Variants in GATAD2A observed in about 807,000 individuals in gnomAD.
GATAD2A encodes the protein GATA zinc finger domain containing 2A.
In GATAD2A, 12 loss-of-function variants were observed where a neutral mutation model predicts 68.5. The observed-to-expected ratio is 0.18, with a 90% CI of 0.11 to 0.28. The LOEUF (loss-of-function observed/expected upper bound fraction) is 0.28. Ranked by LOEUF, GATAD2A falls within the 10% of genes least tolerant of loss-of-function variation. GATAD2A has a pLI of 1.00. For missense variants in GATAD2A, 755 were observed against 868.5 expected, an observed-to-expected ratio of 0.87 and a Z score of 1.64; for synonymous variants, 410 against 375.3, an observed-to-expected ratio of 1.09 and a Z score of -1.07.
rs1313256531 is a variant in GATAD2A at position 19,451,649 on chromosome 19, G to A, written c.-6-13691G>A. On this transcript the variant is annotated intron_variant, in intron 1 of 11. Transcript: ENST00000683918. ...GGGTTGAAGTGAAGTAGGCGGGTGG[G>A]AATGCGTGTGAGACTCAGCAGGGCT... Among the ~76,000 whole-genome samples, 9 of 152,268 alleles carry A rather than the reference G, an allele frequency of 5.9e-5. No homozygotes were observed. In the East Asian group the frequency reaches 1.7e-3, roughly 29 times the overall value.
chr19:19,392,235 G>A (rs867092952), intron 1 of GATAD2A, among the ~76,000 whole-genome samples: 8 of 150,944 alleles, frequency 5.3e-5, no homozygotes, highest in Middle Eastern at 3.4e-3. Flanking sequence ...ACAGGCATGC[G>A]CCACCATGCC....
intron 11 of GATAD2A, among the ~76,000 whole-genome samples, chr19:19,503,942 C>T (rs1250807013): frequency 6.6e-6 from 1 of 152,174 alleles, no homozygotes; most frequent in Admixed American, 6.5e-5. Context: ...CATGCTGGCT[C>T]TCACCTGTAA....
rs748958687 is a variant in GATAD2A at position 19,496,173 on chromosome 19, G to A, written c.878G>A (p.Arg293His). ...AGGATCATCCAGCAGGGCCTCATCC[G>A]CGTCGCCAATGTTCCCAACACCAGC... ...GQRIIQQGLI[R>H]VANVPNTSLL... Residue 293 changes from arginine (R) to histidine (H), a missense_variant, in exon 7 of 12, where the codon CGC becomes CAC. Physicochemically the swap from Arg to His is conservative, Grantham distance 29. Coordinates refer to ENST00000683918, the MANE Select transcript of GATAD2A (RefSeq NM_001384528.1). 7.4e-6 allele frequency: 12 copies of A among 1,613,606 alleles called. No individual in the cohort carries two copies. Among genetic ancestry groups the A allele is most frequent in the Admixed American group, 6.7e-5 (4 of 60,004 alleles).
intron 1 of GATAD2A, among the ~76,000 whole-genome samples, chr19:19,409,540 T>C (rs2050675284): frequency 6.6e-6 from 1 of 152,156 alleles, no homozygotes; most frequent in African/African-American, 2.4e-5. Context: ...CTGAGCTGCT[T>C]CGGGAGGTAG....
chr19:19,477,539 C>A (rs2058756233), intron 2 of GATAD2A, among the ~76,000 whole-genome samples: 1 of 152,030 alleles, frequency 6.6e-6, no homozygotes, highest in Non-Finnish European at 1.5e-5. Flanking sequence ...GGGACTGCAG[C>A]CCAGAAATCA....
At chr19:19,429,251 GC>G in intron 1 of GATAD2A, 1 of 984,844 alleles carries the variant, frequency 1.0e-6, no homozygotes, top group South Asian at 4.7e-5. Flanking sequence ...ATGGTGAGGG[GC>G]TGGGGGGGAG....
chr19:19,449,594 C>CA (rs10532588), intron 1 of GATAD2A, among the ~76,000 whole-genome samples: 3,892 of 141,020 alleles, frequency 0.028, 129 homozygotes, highest in African/African-American at 0.078. Flanking sequence ...TTAAATGTAT[C>CA]AAAAAAAAAA....
At chr19:19,495,636 A>T in intron 5 of GATAD2A, 118 bp from the exon 6 acceptor site, 3 of 543,414 alleles carry the variant, frequency 5.5e-6, no homozygotes, top group Non-Finnish European at 8.0e-6. Context: ...CTGCTACTTA[A>T]AAAAAAAAAA....
chr19:19,430,244 TCCAG>T (rs911480872), intron 1 of GATAD2A, among the ~76,000 whole-genome samples: 1 of 152,186 alleles, frequency 6.6e-6, no homozygotes, highest in African/African-American at 2.4e-5. Context: ...CTAATTCTTC[TCCAG>T]CCAGCCAGCC....
chr19:19,451,190 C>T (rs921844019), intron 1 of GATAD2A, among the ~76,000 whole-genome samples: 4 of 150,878 alleles, frequency 2.7e-5, no homozygotes, highest in Non-Finnish European at 4.4e-5. Context: ...CTGGCCAACA[C>T]GGTGAAACCC....
intron 1 of GATAD2A, among the ~76,000 whole-genome samples, chr19:19,454,579 CAG>C (rs2056739553): frequency 6.7e-6 from 1 of 150,090 alleles, no homozygotes; most frequent in African/African-American, 2.5e-5. Flanking sequence ...GCCTGGGTGA[CAG>C]AGTGAGACCC....
intron 2 of GATAD2A, among the ~76,000 whole-genome samples, chr19:19,468,967 T>C (rs1276897383): frequency 6.6e-6 from 1 of 152,198 alleles, no homozygotes; most frequent in Non-Finnish European, 1.5e-5. Context: ...ACAGATAAAA[T>C]ATATGTCATA....
rs189452885 is a variant in GATAD2A, at chr19:19,485,324, G to A, written c.270-6982G>A. On this transcript the variant is annotated intron_variant, in intron 2 of 11. Transcript: ENST00000683918. ...GGTATTGACGTTTTTCAGTCTGTCA[G>A]TTCTGCTGGTTGGCTGGTCCCGCCC... Among the ~76,000 whole-genome samples, 533 of 152,330 alleles carry A rather than the reference G, an allele frequency of 3.5e-3. 14 individuals carry two copies. The highest frequency in any genetic ancestry group is 8.2e-4 in the Non-Finnish European group (56 of 68,022).
intron 8 of GATAD2A, among the ~76,000 whole-genome samples, chr19:19,500,913 G>C (rs1392781785): frequency 1.3e-5 from 2 of 152,272 alleles, no homozygotes; most frequent in Non-Finnish European, 2.9e-5. Context: ...GTCATGTCCA[G>C]CGATGGGTGG....
intron 8 of GATAD2A, 125 bp downstream of exon 8, chr19:19,498,847 G>A: frequency 1.3e-6 from 1 of 769,680 alleles, no homozygotes; most frequent in South Asian, 1.7e-5. Flanking sequence ...GTCCTGGGTG[G>A]GCTTGGCAGG....
chr19:19,442,739 A>G (rs1284969465), intron 1 of GATAD2A, among the ~76,000 whole-genome samples: 1 of 150,834 alleles, frequency 6.6e-6, no homozygotes, highest in East Asian at 1.9e-4. Context: ...GTTGGAGTCT[A>G]GCCTGAGCAA....
In GATAD2A at chr19:19,508,078, C is replaced by G. The variant is rs1484751710; in HGVS notation, c.*2604C>G. ...CCGAGAGCCCTACCAGGATCAGGTT[C>G]CTGCAAGCCGTCAGAATGTGGGAGC... On this transcript the variant is annotated 3_prime_UTR_variant, in exon 12 of 12. Coordinates refer to ENST00000683918, the MANE Select transcript of GATAD2A (RefSeq NM_001384528.1). 1 of 152,154 alleles carries G rather than the reference C, an allele frequency of 6.6e-6. No individual in the cohort carries two copies. The highest frequency in any genetic ancestry group is 2.4e-5 in the African/African-American group (1 of 41,418). The allele number at this position is 152,154 out of a possible 1,614,324, so 9.4% of individuals were successfully genotyped here. A position where few individuals can be genotyped will look rare whatever the true frequency, so the allele number is the denominator to read the frequency against.
intron 1 of GATAD2A, among the ~76,000 whole-genome samples, chr19:19,420,928 C>A (rs1046005093): frequency 2.6e-5 from 4 of 152,182 alleles, no homozygotes; most frequent in Non-Finnish European, 4.4e-5. Flanking sequence ...GCCACTGTTT[C>A]CTCTTTCAGT....
chr19:19,446,095 C>T (rs940493154), intron 1 of GATAD2A, among the ~76,000 whole-genome samples: 2 of 152,172 alleles, frequency 1.3e-5, no homozygotes, highest in South Asian at 2.1e-4. Context: ...GTCACTCTAC[C>T]GTTTTACTTT....
Sources: gnomAD v4.1 joint callset for allele counts (sites outside exome capture counted in the v4.1 genomes callset) on GRCh38, gnomAD v4.1.1 for gene constraint, MANE v1.5 for transcripts, NCBI Gene and HGNC (gene_info 2026-07-23, HGNC 2026-07-21) for gene names.